Variants in PCLO observed in about 807,000 individuals in gnomAD.
PCLO encodes protein piccolo.
PCLO carries 82 observed loss-of-function variants against 427.5 expected under a neutral mutation model. That is an observed-to-expected ratio of 0.19 (90% CI 0.16 to 0.23). The LOEUF (loss-of-function observed/expected upper bound fraction) is 0.23, where lower values mean the gene tolerates loss of function less well. Among genes scored for constraint, PCLO ranks in the 10% least tolerant of loss-of-function variants. The probability of loss-of-function intolerance (pLI) is 1.00; values close to 1 mark genes in which losing one functional copy is unlikely to be tolerated. For missense variants in PCLO, 6,239 were observed against 6,115.9 expected, an observed-to-expected ratio of 1.02 and a Z score of -0.67; for synonymous variants, 2,357 against 2,155.4, an observed-to-expected ratio of 1.09 and a Z score of -2.59.
At position 83,134,627 on chromosome 7, in the gene PCLO, T is replaced by C. The variant is rs775426752; in HGVS notation, c.2923A>G (p.Thr975Ala). Residue 975 changes from threonine to alanine, a missense_variant, in exon 3 of 25, where the codon ACT becomes GCT. Thr to Ala is a moderately conservative substitution (Grantham distance 58). This residue lies in a region of PCLO where 4,677 missense variants were observed against 4,468.4 expected (regional missense o/e 1.05). Coordinates refer to ENST00000333891, the MANE Select transcript of PCLO (RefSeq NM_033026.6). The stretch of plus-strand genomic sequence containing the variant: ...GTGGATTTGGGTGGCCCTTGTGAAG[T>C]AGGTGGCTGTGAAGGGGCAGGGGCT... ...KQAPAPSQPP[T>A]SQGPPKSTGQ... 6 of 1,613,696 alleles carry C rather than the reference T, an allele frequency of 3.7e-6. No homozygotes were observed. Among genetic ancestry groups the C allele is most frequent in the South Asian group, 3.3e-5 (3 of 91,078 alleles).
intron 22 of PCLO, among the ~76,000 whole-genome samples, chr7:82,796,961 A>G (rs1791236456): frequency 6.6e-6 from 1 of 151,764 alleles, no homozygotes; most frequent in Non-Finnish European, 1.5e-5. Context: ...AGGTAGCCTA[A>G]GTATTGGGAA....
chr7:82,846,497 C>A, intron 12 of PCLO, 70 bp downstream of exon 12: 1 of 922,442 alleles, frequency 1.1e-6, no homozygotes, highest in Non-Finnish European at 1.7e-6. Context: ...TCTACAATTA[C>A]ATCTGCCTCT....
Position 82,892,865 on chromosome 7 carries a change from C to A in PCLO, c.13528+9786G>T, listed in dbSNP as rs532759229. Among the ~76,000 whole-genome samples, 792 of 151,964 alleles carry A rather than the reference C, an allele frequency of 5.2e-3. 8 individuals carry two copies. The highest frequency in any genetic ancestry group is 0.017 in the African/African-American group (701 of 41,460). ...CCATCAGAGAAATGCAAATCAAAACCACAATGAGATACCATCTCACACCAG... is the reference window on the plus strand; with the variant it reads ...CCATCAGAGAAATGCAAATCAAAACAACAATGAGATACCATCTCACACCAG... On this transcript the variant is annotated intron_variant, in intron 9 of 24. Transcript: ENST00000333891.
intron 3 of PCLO, among the ~76,000 whole-genome samples, chr7:82,996,009 A>G (rs1489023244): frequency 6.6e-6 from 1 of 151,840 alleles, no homozygotes; most frequent in African/African-American, 2.4e-5. Flanking sequence ...TTTGCTTTAG[A>G]ATAGGTTCTA....
chr7:83,001,634 T>C (rs1048032322), intron 3 of PCLO, among the ~76,000 whole-genome samples: 7 of 151,992 alleles, frequency 4.6e-5, no homozygotes, highest in Admixed American at 6.6e-5. Flanking sequence ...CATGACCCTG[T>C]AGGTTAGCTG....
intron 20 of PCLO, among the ~76,000 whole-genome samples, chr7:82,812,688 A>G (rs1187447985): frequency 6.6e-6 from 1 of 151,656 alleles, no homozygotes; most frequent in Non-Finnish European, 1.5e-5. Context: ...TATAAAATGC[A>G]AATACAATAA....
intron 20 of PCLO, among the ~76,000 whole-genome samples, chr7:82,809,096 C>T (rs1791515003): frequency 6.6e-6 from 1 of 151,810 alleles, no homozygotes; most frequent in Non-Finnish European, 1.5e-5. Flanking sequence ...TTAAATTGAG[C>T]TAAATCTGCA....
chr7:83,157,290 T>A (rs1242336596), intron 1 of PCLO, among the ~76,000 whole-genome samples: 2 of 152,158 alleles, frequency 1.3e-5, no homozygotes, highest in Admixed American at 6.5e-5. Context: ...TTATCTTTTT[T>A]AAAAAATAAC....
rs775045118 is a variant in PCLO at position 82,952,668 on chromosome 7, T to C, written c.8285A>G (p.Glu2762Gly). 1.9e-6 allele frequency: 3 copies of C among 1,613,974 alleles called. No individual in the cohort carries two copies. The highest frequency in any genetic ancestry group is 2.5e-6 in the Non-Finnish European group (3 of 1,179,850). ...MDVKRQITAN[E>G]VYGKQISAVQ... ...AGCACTAATTTGTTTCCCATAAACT[T>C]CATTTGCTGTGATCTGCCTTTTCAC... The change falls in exon 5 of 25, where the codon GAA becomes GGA. Residue 2762 changes from glutamate (E) to glycine (G), a missense_variant. By Grantham distance (98) the Glu-to-Gly change is moderately conservative. This residue lies in a region of PCLO where 4,677 missense variants were observed against 4,468.4 expected (regional missense o/e 1.05). Coordinates refer to ENST00000333891, the MANE Select transcript of PCLO (RefSeq NM_033026.6).
At chr7:82,819,716 T>C (rs1791750404) in intron 20 of PCLO, among the ~76,000 whole-genome samples, 1 of 152,172 alleles carries the variant, frequency 6.6e-6, no homozygotes, top group South Asian at 2.1e-4. Context: ...GGTTTACCTC[T>C]GTAATGCGAC....
chr7:83,066,770 G>C (rs1043941320), intron 3 of PCLO, among the ~76,000 whole-genome samples: 2 of 151,916 alleles, frequency 1.3e-5, no homozygotes, highest in African/African-American at 2.4e-5. Context: ...ATGTTCAATG[G>C]GGCAGAAGGA....
chr7:82,787,524 T>G (rs1791010117), intron 22 of PCLO, among the ~76,000 whole-genome samples: 1 of 152,066 alleles, frequency 6.6e-6, no homozygotes, highest in Non-Finnish European at 1.5e-5. Flanking sequence ...AAAATATATT[T>G]AAATACTTTA....
At chr7:82,939,658 T>G (rs184320336) in intron 6 of PCLO, among the ~76,000 whole-genome samples, 9,263 of 147,498 alleles carry the variant, frequency 0.063, 358 homozygotes, top group East Asian at 0.18. Flanking sequence ...TATATATATA[T>G]ATAGAGAGAG....
chr7:82,956,116 G>C lies in PCLO; in HGVS notation c.4837C>G (p.Arg1613Gly). The C allele has an allele frequency of 6.2e-7, 1 of 1,609,620 alleles. No homozygotes were observed. The highest frequency in any genetic ancestry group is 8.5e-7 in the Non-Finnish European group (1 of 1,179,806). Residue 1613 changes from arginine to glycine, a missense_variant, in exon 5 of 25, where the codon CGA (arginine) becomes GGA (glycine). By Grantham distance (125) the Arg-to-Gly change is moderately radical. This residue lies in a region of PCLO where 4,677 missense variants were observed against 4,468.4 expected (regional missense o/e 1.05). Transcript: ENST00000333891. ...ITAGKHRRLT[R>G]KSSTSIDEDA... ...TCATCAATGCTTGTGCTACTTTTTC[G>C]AGTCAGTCGTCTGTGTTTCCCTGCT...
intron 22 of PCLO, among the ~76,000 whole-genome samples, chr7:82,768,786 G>T (rs1790585865): frequency 6.6e-6 from 1 of 151,854 alleles, no homozygotes; most frequent in Non-Finnish European, 1.5e-5. Context: ...AATTTTCTCA[G>T]ATAAAAATTT....
intron 3 of PCLO, among the ~76,000 whole-genome samples, chr7:82,987,023 G>C (rs1796270453): frequency 6.6e-6 from 1 of 151,812 alleles, no homozygotes; most frequent in Non-Finnish European, 1.5e-5. Flanking sequence ...ATTATAAAGG[G>C]AAGCATATGC....
chr7:82,898,233 AG>A (rs1476388365), intron 9 of PCLO, among the ~76,000 whole-genome samples: 3 of 151,444 alleles, frequency 2.0e-5, no homozygotes, highest in Non-Finnish European at 3.0e-5. Flanking sequence ...AGCATGAAAA[AG>A]GCAAATTCTG....
chr7:82,776,063 C>T (rs997392197), intron 22 of PCLO, among the ~76,000 whole-genome samples: 1 of 152,144 alleles, frequency 6.6e-6, no homozygotes, highest in Non-Finnish European at 1.5e-5. Context: ...AGTTTTAACA[C>T]TGATCTCTTG....
chr7:82,976,101 G>A (rs1796012891), intron 3 of PCLO, among the ~76,000 whole-genome samples: 1 of 152,160 alleles, frequency 6.6e-6, no homozygotes, highest in African/African-American at 2.4e-5. Flanking sequence ...TAGCCATACT[G>A]GGTTTTGTAT....
Sources: gnomAD v4.1 joint callset for allele counts (sites outside exome capture counted in the v4.1 genomes callset) on GRCh38, gnomAD v4.1.1 for gene constraint, gnomAD v4.1.1 regional missense constraint, MANE v1.5 for transcripts, NCBI Gene and HGNC (gene_info 2026-07-23, HGNC 2026-07-21) for gene names.